Variants in HES1 observed in about 807,000 individuals in gnomAD.
The protein encoded by HES1 is hes family bHLH transcription factor 1.
Under a neutral mutation model 21.0 loss-of-function variants are expected in HES1, and 7 were observed. That is an observed-to-expected ratio of 0.33 (90% CI 0.19 to 0.63). The LOEUF (loss-of-function observed/expected upper bound fraction) is 0.63. HES1 is among the 20% of genes least tolerant of loss of function. The probability of loss-of-function intolerance (pLI) is 0.78; values close to 1 mark genes in which losing one functional copy is unlikely to be tolerated. For missense variants in HES1, 338 were observed against 389.8 expected (o/e 0.87, Z 1.12); for synonymous variants, 169 against 171.2 (o/e 0.99, Z 0.10).
Position 194,136,684 on chromosome 3 carries a change from C to T in HES1, c.176C>T (p.Thr59Ile). ...AATGAAAGTCTGAGCCAGCTGAAAACACTGATTTTGGATGCTCTGAAGAAA... is the reference window on the plus strand; with the variant it reads ...AATGAAAGTCTGAGCCAGCTGAAAATACTGATTTTGGATGCTCTGAAGAAA... The part of the protein sequence containing the change: ...RINESLSQLK[T>I]LILDALKKDS... The change falls in exon 2 of 4, where the codon ACA becomes ATA. Residue 59 changes from threonine (T) to isoleucine (I), a missense_variant. Thr to Ile is a moderately conservative substitution (Grantham distance 89). Coordinates refer to ENST00000232424, the MANE Select transcript of HES1 (RefSeq NM_005524.4). 6.2e-7 allele frequency: 1 copy of T among 1,613,932 alleles called. No individual in the cohort carries two copies. Among genetic ancestry groups the T allele is most frequent in the Non-Finnish European group, 8.5e-7 (1 of 1,179,794 alleles).
intron 1 of HES1, 50 bp from the exon 2 acceptor site, chr3:194,136,567 C>G: frequency 6.3e-7 from 1 of 1,575,384 alleles, no homozygotes; most frequent in Non-Finnish European, 8.7e-7. Context: ...TCTTGAAACC[C>G]CGGGATGGCA....
chr3:194,136,758 C>T (rs780251181), intron 2 of HES1, 46 bp downstream of exon 2: 8 of 1,530,194 alleles, frequency 5.2e-6, no homozygotes, highest in East Asian at 4.5e-5. Flanking sequence ...AAAACAAACA[C>T]TTTCTCAGCT....
Position 194,137,127 on chromosome 3 carries a change from G to A in HES1, c.292+79G>A. On this transcript the variant is annotated intron_variant, in intron 3 of 3. Transcript: ENST00000232424. The surrounding 1 kb of genome is among the most constrained non-coding windows in gnomAD (Gnocchi z 5.4). ...GATTTCTTCCAGACTTCCGCCCGTG[G>A]TTGTGAGAGGCATTCAGCTACATTT... 1 of 1,201,670 alleles carries A rather than the reference G, an allele frequency of 8.3e-7. No homozygotes were observed. Among genetic ancestry groups the A allele is most frequent in the Non-Finnish European group, 1.2e-6 (1 of 807,066 alleles). The allele number at this position is 1,201,670 out of a possible 1,614,324, so 74.4% of individuals were successfully genotyped here. A position where few individuals can be genotyped will look rare whatever the true frequency, so the allele number is the denominator to read the frequency against.
At position 194,137,916 on chromosome 3, in the gene HES1, CCCCAGCACG is replaced by C. The variant is rs1715386850; in HGVS notation, c.528_536del (p.Gln177_Ala179del). On this transcript the variant is annotated inframe_deletion, in exon 4 of 4. Coordinates refer to ENST00000232424, the MANE Select transcript of HES1 (RefSeq NM_005524.4). This position sits in a 1 kb window ranked among gnomAD's most constrained non-coding sequence, Gnocchi z 5.4. ...ACCGCCCCCACCGGGACCCGGCGGC[CCCCAGCACG>C]CGCCGTTCGCGCCGCCGCCGCCACT... 1 of 1,375,158 alleles carries C rather than the reference CCCCAGCACG, an allele frequency of 7.3e-7. No homozygotes were observed. Among genetic ancestry groups the C allele is most frequent in the South Asian group, 2.1e-5 (1 of 47,570 alleles). The allele number at this position is 1,375,158 out of a possible 1,614,324, so 85.2% of individuals were successfully genotyped here. A position where few individuals can be genotyped will look rare whatever the true frequency, so the allele number is the denominator to read the frequency against.
rs753104474 is a variant in HES1, at chr3:194,137,912, C to A, written c.522C>A (p.Gly174=). 1.4e-6 allele frequency: 2 copies of A among 1,416,266 alleles called. No homozygotes were observed. Among genetic ancestry groups the A allele is most frequent in the Admixed American group, 4.8e-5 (2 of 41,632 alleles). 87.7% of individuals were successfully genotyped at this position (1,416,266 alleles called of 1,614,324 possible). Residue 174 remains glycine (G), a synonymous_variant, in exon 4 of 4, where the codon GGC becomes GGA. Coordinates refer to ENST00000232424, the MANE Select transcript of HES1 (RefSeq NM_005524.4). This position sits in a 1 kb window ranked among gnomAD's most constrained non-coding sequence, Gnocchi z 5.4. ...CGCCACCGCCCCCACCGGGACCCGG[C>A]GGCCCCCAGCACGCGCCGTTCGCGC... ...QAPPPPPPGP[G]GPQHAPFAPP...
At position 194,138,413 on chromosome 3, in the gene HES1, ATGCACTATATT is replaced by A. The variant is rs1017876700; in HGVS notation, c.*183_*193del. On this transcript the variant is annotated 3_prime_UTR_variant, in exon 4 of 4. Transcript: ENST00000232424. Reference sequence around the variant, plus strand: ...AGAGAGCTGTATTAAGTGACTGACCATGCACTATATTTGTATATATTTTATATGTTCATATT... The same window carrying A: ...AGAGAGCTGTATTAAGTGACTGACCATGTATATATTTTATATGTTCATATT... The A allele has an allele frequency of 4.1e-5, 20 of 492,166 alleles. No individual in the cohort carries two copies. Among genetic ancestry groups the A allele is most frequent in the African/African-American group, 3.8e-4 (19 of 50,390 alleles). The allele number at this position is 492,166 out of a possible 1,614,324, so 30.5% of individuals were successfully genotyped here.
At position 194,138,113 on chromosome 3, in the gene HES1, C is replaced by T. The variant is rs754359358; in HGVS notation, c.723C>T (p.Ser241=). The change falls in exon 4 of 4, where the codon AGC becomes AGT. Residue 241 remains serine (S), a synonymous_variant. Transcript: ENST00000232424. ...TTCCCAACGGGGCCTTCGCGCACAG[C>T]GGCCCTGTCATCCCCGTCTACACCA... is the stretch of plus-strand genomic sequence containing the variant. The part of the protein sequence containing the change: ...FLIPNGAFAH[S]GPVIPVYTSN... 2.5e-6 allele frequency: 4 copies of T among 1,612,448 alleles called. No homozygotes were observed. In the South Asian group the frequency reaches 4.4e-5, roughly 18 times the overall value.
chr3:194,137,110 C>G lies in HES1; in HGVS notation c.292+62C>G. ...CCCGCTCGCCTCGCGGTGATTTCTT[C>G]CAGACTTCCGCCCGTGGTTGTGAGA... On this transcript the variant is annotated intron_variant, in intron 3 of 3. Transcript: ENST00000232424. This position sits in a 1 kb window ranked among gnomAD's most constrained non-coding sequence, Gnocchi z 5.4. 1 of 1,399,082 alleles carries G rather than the reference C, an allele frequency of 7.1e-7. No individual in the cohort carries two copies. The highest frequency in any genetic ancestry group is 1.0e-6 in the Non-Finnish European group (1 of 985,164). The allele number at this position is 1,399,082 out of a possible 1,614,324, so 86.7% of individuals were successfully genotyped here.
rs1715371232 is a variant in HES1, at chr3:194,137,387, G to C, written c.293-296G>C. On this transcript the variant is annotated intron_variant, in intron 3 of 3. Coordinates refer to ENST00000232424, the MANE Select transcript of HES1 (RefSeq NM_005524.4). This position sits in a 1 kb window ranked among gnomAD's most constrained non-coding sequence, Gnocchi z 5.4. ...AAGGGGAAATGAGGCTTGGATGATG[G>C]ATTGGGAGGCATTGTCCAAGGTCAC... 1.6e-5 allele frequency: 9 copies of C among 571,092 alleles called. No individual in the cohort carries two copies. The highest frequency in any genetic ancestry group is 1.6e-4 in the Admixed American group (5 of 32,240). 35.4% of individuals were successfully genotyped at this position (571,092 alleles called of 1,614,324 possible).
Position 194,137,575 on chromosome 3 carries a change from C to T in HES1, c.293-108C>T. 3.3e-6 allele frequency: 4 copies of T among 1,227,010 alleles called. No individual in the cohort carries two copies. The highest frequency in any genetic ancestry group is 4.4e-6 in the Non-Finnish European group (4 of 910,800). The allele number at this position is 1,227,010 out of a possible 1,614,324, so 76.0% of individuals were successfully genotyped here. On this transcript the variant is annotated intron_variant, in intron 3 of 3. Transcript: ENST00000232424. The surrounding 1 kb of genome is among the most constrained non-coding windows in gnomAD (Gnocchi z 5.4). The stretch of plus-strand genomic sequence containing the variant: ...TCACCCTCCCTGCCGGAGGCAGTTT[C>T]ACGGGCGCATGGTCAGGGAGGCGCG...
chr3:194,137,007 C>T lies in HES1; in HGVS notation c.251C>T (p.Thr84Ile). 6.2e-7 allele frequency: 1 copy of T among 1,614,198 alleles called. No individual in the cohort carries two copies. Residue 84 changes from threonine (T) to isoleucine (I), a missense_variant, in exon 3 of 4, where the codon ACA (threonine) becomes ATA (isoleucine). Thr to Ile is a moderately conservative substitution (Grantham distance 89, BLOSUM62 -1). Transcript: ENST00000232424. The surrounding 1 kb of genome is among the most constrained non-coding windows in gnomAD (Gnocchi z 5.4). ...KLEKADILEM[T>I]VKHLRNLQRA... is the part of the protein sequence containing the mutation. ...GAGAAGGCGGACATTCTGGAAATGA[C>T]AGTGAAGCACCTCCGGAACCTGCAG...
In HES1 at chr3:194,136,284, A is replaced by G. The variant is rs1346149640; in HGVS notation, c.-97A>G. The G allele has an allele frequency of 2.7e-6, 2 of 728,432 alleles. No individual in the cohort carries two copies. The allele number at this position is 728,432 out of a possible 1,614,324, so 45.1% of individuals were successfully genotyped here. ...TCAGCACTTGCTCAGTAGTTTTGTG[A>G]AAGTCTCAAGTAAAAGAGACACAAA... On this transcript the variant is annotated 5_prime_UTR_variant, in exon 1 of 4. Transcript: ENST00000232424.
At chr3:194,136,817 T>A (rs765370189) in intron 2 of HES1, 105 bp downstream of exon 2, 17 of 1,369,244 alleles carry the variant, frequency 1.2e-5, no homozygotes, top group Non-Finnish European at 1.7e-5. Context: ...TCGCTGGTAC[T>A]GCGTTCTCCC....
chr3:194,137,768 C>T lies in HES1; in HGVS notation c.378C>T (p.Ser126=), dbSNP rs759491695. 1.2e-6 allele frequency: 2 copies of T among 1,613,640 alleles called. No homozygotes were observed. Among genetic ancestry groups the T allele is most frequent in the Non-Finnish European group, 1.7e-6 (2 of 1,179,880 alleles). The part of the protein sequence containing the change: ...ECMNEVTRFL[S]TCEGVNTEVR... ...TGAACGAGGTGACCCGCTTCCTGTCCACGTGCGAGGGCGTTAATACCGAGG... is the reference window on the plus strand; with the variant it reads ...TGAACGAGGTGACCCGCTTCCTGTCTACGTGCGAGGGCGTTAATACCGAGG... Residue 126 remains serine, a synonymous_variant, in exon 4 of 4, where the codon TCC becomes TCT. Coordinates refer to ENST00000232424, the MANE Select transcript of HES1 (RefSeq NM_005524.4). This position sits in a 1 kb window ranked among gnomAD's most constrained non-coding sequence, Gnocchi z 5.4.
At chr3:194,136,808 C>A in intron 2 of HES1, 96 bp downstream of exon 2, 1 of 1,383,910 alleles carries the variant, frequency 7.2e-7, no homozygotes, top group Non-Finnish European at 1.0e-6. Context: ...GTCTGGCACT[C>A]GCTGGTACTG....
rs1447350415 is a variant in HES1 at position 194,137,635 on chromosome 3, C to T, written c.293-48C>T. The T allele has an allele frequency of 4.0e-6, 6 of 1,496,154 alleles. No homozygotes were observed. Among genetic ancestry groups the T allele is most frequent in the Admixed American group, 2.0e-5 (1 of 50,724 alleles). The allele number at this position is 1,496,154 out of a possible 1,614,324, so 92.7% of individuals were successfully genotyped here. On this transcript the variant is annotated intron_variant, in intron 3 of 3. Coordinates refer to ENST00000232424, the MANE Select transcript of HES1 (RefSeq NM_005524.4). The surrounding 1 kb of genome is among the most constrained non-coding windows in gnomAD (Gnocchi z 5.4). ...CCTCCCAGGGCGGAGGCAGTGGCCA[C>T]GGGGCCAGGGCCGTTCGGTGACCCG...
Position 194,136,453 on chromosome 3 carries a change from C to T in HES1, c.73C>T (p.Pro25Ser). Residue 25 changes from proline (P) to serine (S), a missense_variant, in exon 1 of 4, where the codon CCG becomes TCG. Pro to Ser is a moderately conservative substitution (Grantham distance 74). Coordinates refer to ENST00000232424, the MANE Select transcript of HES1 (RefSeq NM_005524.4). ...TACCCCAGCCAGTGTCAACACGACA[C>T]CGGATAAACCAAAGACAGCATCTGA... ...AATPASVNTT[P>S]DKPKTASEHR... 6.2e-7 allele frequency: 1 copy of T among 1,612,444 alleles called. No homozygotes were observed. Among genetic ancestry groups the T allele is most frequent in the Non-Finnish European group, 8.5e-7 (1 of 1,179,588 alleles).
chr3:194,137,844 G>A lies in HES1; in HGVS notation c.454G>A (p.Ala152Thr). The change falls in exon 4 of 4, where the codon GCC becomes ACC. Residue 152 changes from alanine to threonine, a missense_variant. Ala to Thr is a moderately conservative substitution (Grantham distance 58). Transcript: ENST00000232424. The surrounding 1 kb of genome is among the most constrained non-coding windows in gnomAD (Gnocchi z 5.4). ...HLANCMTQIN[A>T]MTYPGQPHPA... is the part of the protein sequence containing the mutation. Reference sequence around the variant, plus strand: ...GGCCAACTGCATGACCCAGATCAATGCCATGACCTACCCCGGGCAGCCGCA... The same window carrying A: ...GGCCAACTGCATGACCCAGATCAATACCATGACCTACCCCGGGCAGCCGCA... 2 of 1,593,520 alleles carry A rather than the reference G, an allele frequency of 1.3e-6. No homozygotes were observed. Among genetic ancestry groups the A allele is most frequent in the Non-Finnish European group, 1.7e-6 (2 of 1,170,368 alleles).
Position 194,136,374 on chromosome 3 carries a change from A to T in HES1, c.-7A>T, listed in dbSNP as rs1715336600. 1 of 1,535,474 alleles carries T rather than the reference A, an allele frequency of 6.5e-7. No individual in the cohort carries two copies. The highest frequency in any genetic ancestry group is 8.8e-7 in the Non-Finnish European group (1 of 1,141,112). ...TCTCTAGAGATAAAAAAAAAAAAAA[A>T]AGGAAAATGCCAGCTGATATAATGG... On this transcript the variant is annotated 5_prime_UTR_variant, in exon 1 of 4. Coordinates refer to ENST00000232424, the MANE Select transcript of HES1 (RefSeq NM_005524.4).
Sources: gnomAD v4.1 joint callset for allele counts on GRCh38, gnomAD v4.1.1 for gene constraint, Gnocchi (gnomAD v3.1) non-coding constraint, MANE v1.5 for transcripts, NCBI Gene and HGNC (gene_info 2026-07-23, HGNC 2026-07-21) for gene names.